Variants in ZNF717 observed in about 807,000 individuals in gnomAD.
The protein encoded by ZNF717 is krueppel-like factor X17.
In ZNF717, 9 loss-of-function variants were observed where a neutral mutation model predicts 13.8. The observed-to-expected ratio is 0.65, with a 90% confidence interval of 0.39 to 1.14. ZNF717 has a LOEUF of 1.14. Among genes scored for constraint, ZNF717 ranks in the 50% most tolerant of loss-of-function variants. The probability of loss-of-function intolerance (pLI) is 0.01; values close to 1 mark genes in which losing one functional copy is unlikely to be tolerated. For synonymous variants in ZNF717, 327 were observed against 364.1 expected (o/e 0.90, Z 1.16); for missense variants, 1,040 against 1,080.7 (o/e 0.96, Z 0.53).
At chr3:75,739,993 A>G (rs1940168332) in intron 4 of ZNF717, among the ~76,000 whole-genome samples, 1 of 152,262 alleles carries the variant, frequency 6.6e-6, no homozygotes, top group East Asian at 1.9e-4. Flanking sequence ...TCCCAGAACC[A>G]TAATAGGCAC....
downstream of ZNF717, among the ~76,000 whole-genome samples, chr3:75,707,724 A>T (rs1238215847): frequency 6.6e-6 from 1 of 152,128 alleles, no homozygotes; most frequent in Admixed American, 6.5e-5. Context: ...GACAGATGGC[A>T]CCCGGAAAAT....
At chr3:75,708,976 C>A (rs1382842253), downstream of ZNF717, among the ~76,000 whole-genome samples, 1 of 150,506 alleles carries the variant, frequency 6.6e-6, no homozygotes, top group Non-Finnish European at 1.5e-5. Flanking sequence ...GGGAGAAGTG[C>A]CACATCTTTT....
chr3:75,746,742 T>TTTTG (rs1401041682), intron 2 of ZNF717, among the ~76,000 whole-genome samples: 1 of 152,196 alleles, frequency 6.6e-6, no homozygotes, highest in Non-Finnish European at 1.5e-5. Context: ...CTTGTAAATT[T>TTTTG]GAGTTCTTTG....
chr3:75,761,499 T>C (rs1280978339), intron 2 of ZNF717, among the ~76,000 whole-genome samples: 5 of 152,368 alleles, frequency 3.3e-5, no homozygotes, highest in Non-Finnish European at 7.3e-5. Flanking sequence ...GCCACTTCTA[T>C]TCACCACAGT....
chr3:75,732,425 G>A (rs2106923222), downstream of ZNF717, among the ~76,000 whole-genome samples: 1 of 145,446 alleles, frequency 6.9e-6, no homozygotes, highest in East Asian at 2.0e-4. Flanking sequence ...TCTGTTCCCT[G>A]CTGGACCCCC....
chr3:75,741,254 T>G, intron 4 of ZNF717, 22 bp downstream of exon 4: 2 of 1,431,554 alleles, frequency 1.4e-6, no homozygotes, highest in Non-Finnish European at 9.6e-7. Context: ...CAGGCCTCCC[T>G]GCCTGGTATT....
At position 75,736,846 on chromosome 3, in the gene ZNF717, T is replaced by TA; in HGVS notation, c.*31dup. On this transcript the variant is annotated 3_prime_UTR_variant, in exon 5 of 5. Coordinates refer to ENST00000652011, the MANE Select transcript of ZNF717 (RefSeq NM_001290208.3). ...CCTAGACTGAGCATGGAGAAATCTG[T>TA]AATAGTAGCCAGAGAGGTGTAGGTT... 6.6e-7 allele frequency: 1 copy of TA among 1,508,838 alleles called. No individual in the cohort carries two copies. The highest frequency in any genetic ancestry group is 2.5e-5 in the East Asian group (1 of 40,596). The allele number at this position is 1,508,838 out of a possible 1,614,324, so 93.5% of individuals were successfully genotyped here.
intron 4 of ZNF717, among the ~76,000 whole-genome samples, chr3:75,719,785 C>T (rs111235571): frequency 2.0e-5 from 3 of 151,852 alleles, no homozygotes; most frequent in Non-Finnish European, 4.4e-5. Flanking sequence ...GATGAAACCC[C>T]GTCTCTACTA....
chr3:75,751,363 T>A (rs1941777185), intron 2 of ZNF717, among the ~76,000 whole-genome samples: 1 of 151,680 alleles, frequency 6.6e-6, no homozygotes, highest in South Asian at 2.1e-4. Flanking sequence ...TCTGAATGCT[T>A]GTCCCTCACA....
At chr3:75,726,333 TTTAG>T (rs1938279657), downstream of ZNF717, among the ~76,000 whole-genome samples, 1 of 151,190 alleles carries the variant, frequency 6.6e-6, no homozygotes, top group African/African-American at 2.4e-5. Flanking sequence ...AGTTCAAATA[TTTAG>T]TTAGGACAGG....
intron 4 of ZNF717, among the ~76,000 whole-genome samples, chr3:75,722,823 ATT>A (rs372758745): frequency 7.0e-6 from 1 of 142,646 alleles, no homozygotes; most frequent in Non-Finnish European, 1.6e-5. Flanking sequence ...AAAAAAAAAA[ATT>A]TAAGTATTTT....
intron 5 of ZNF717, among the ~76,000 whole-genome samples, chr3:75,714,014 CAG>C (rs1176998571): frequency 6.6e-6 from 1 of 152,098 alleles, no homozygotes; most frequent in Non-Finnish European, 1.5e-5. Context: ...TTCTGCATAT[CAG>C]AGACTTTTAG....
chr3:75,695,672 T>C (rs1477399603), intron 6 of ZNF717, among the ~76,000 whole-genome samples: 1 of 152,268 alleles, frequency 6.6e-6, no homozygotes, highest in Non-Finnish European at 1.5e-5. Flanking sequence ...AAAAAAGGAA[T>C]TTCAGAAACT....
intron 2 of ZNF717, among the ~76,000 whole-genome samples, chr3:75,759,007 G>A (rs925711880): frequency 2.0e-5 from 3 of 152,230 alleles, no homozygotes; most frequent in African/African-American, 7.2e-5. Context: ...GCAGCTTGCT[G>A]AAGGCTCAGA....
chr3:75,775,376 T>C (rs1944228974), intron 2 of ZNF717, among the ~76,000 whole-genome samples: 2 of 152,286 alleles, frequency 1.3e-5, no homozygotes, highest in African/African-American at 2.4e-5. Flanking sequence ...TTAATGGTGA[T>C]GCAGTTTCTA....
At chr3:75,727,373 C>T (rs1178118259), downstream of ZNF717, among the ~76,000 whole-genome samples, 5 of 152,166 alleles carry the variant, frequency 3.3e-5, no homozygotes, top group Non-Finnish European at 5.9e-5. Flanking sequence ...TGACTGCCTG[C>T]AGGGTTGGGC....
intron 2 of ZNF717, among the ~76,000 whole-genome samples, chr3:75,753,438 A>C (rs1575853051): frequency 7.2e-6 from 1 of 139,332 alleles, no homozygotes; most frequent in African/African-American, 2.7e-5. Context: ...CACTGCTACG[A>C]GGGTCTGAAT....
intron 5 of ZNF717, among the ~76,000 whole-genome samples, chr3:75,712,467 A>C (rs1937960832): frequency 6.6e-6 from 1 of 152,240 alleles, no homozygotes; most frequent in South Asian, 2.1e-4. Context: ...TTAGAAAACT[A>C]ATAAATTAAT....
At chr3:75,701,933 A>G (rs1575711362) in intron 6 of ZNF717, among the ~76,000 whole-genome samples, 2 of 152,308 alleles carry the variant, frequency 1.3e-5, no homozygotes, top group East Asian at 3.8e-4. Context: ...CCAAAATGAG[A>G]TATCATTTCA....
Sources: allele counts gnomAD v4.1 joint callset (sites outside exome capture counted in the v4.1 genomes callset), GRCh38; gene constraint gnomAD v4.1.1; transcripts MANE v1.5; gene names NCBI Gene and HGNC (gene_info 2026-07-23, HGNC 2026-07-21).